TLE4: variants seen among roughly 807,000 people sequenced by gnomAD.
TLE4 encodes the protein transducin-like enhancer protein 4.
Under a neutral mutation model 92.8 loss-of-function variants are expected in TLE4, and 8 were observed. That is an observed-to-expected ratio of 0.09 (90% CI 0.05 to 0.16). The LOEUF (loss-of-function observed/expected upper bound fraction) is 0.16. TLE4 is among the 10% of genes least tolerant of loss of function. The probability of loss-of-function intolerance (pLI) is 1.00; values close to 1 mark genes in which losing one functional copy is unlikely to be tolerated. For synonymous variants in TLE4, 371 were observed against 374.1 expected (o/e 0.99, Z 0.10); for missense variants, 675 against 997.6 (o/e 0.68, Z 4.36).
In TLE4 at chr9:79,572,693, G is replaced by A; in HGVS notation, c.-98G>A. The A allele has an allele frequency of 6.7e-6, 9 of 1,335,342 alleles. No individual in the cohort carries two copies. The highest frequency in any genetic ancestry group is 9.4e-6 in the Non-Finnish European group (9 of 959,470). 82.7% of individuals were successfully genotyped at this position (1,335,342 alleles called of 1,614,324 possible). A position where few individuals can be genotyped will look rare whatever the true frequency, so the allele number is the denominator to read the frequency against. On this transcript the variant is annotated 5_prime_UTR_variant, in exon 1 of 20. Coordinates refer to ENST00000376552, the MANE Select transcript of TLE4 (RefSeq NM_007005.6). Reference sequence around the variant, plus strand: ...CCGCCCGAGCCGCCCCTCAGACCGAGCCGGCCGCCTCCGCTGCCGCGGCCG... The same window carrying A: ...CCGCCCGAGCCGCCCCTCAGACCGAACCGGCCGCCTCCGCTGCCGCGGCCG...
intron 19 of TLE4, among the ~76,000 whole-genome samples, chr9:79,724,169 C>CTT (rs60841110): frequency 7.1e-6 from 1 of 141,646 alleles, no homozygotes; most frequent in Non-Finnish European, 1.6e-5. Context: ...TTTTTACATT[C>CTT]TTTTTTTTTT....
At position 79,574,860 on chromosome 9, in the gene TLE4, A is replaced by G. The variant is rs199667147; in HGVS notation, c.144-13A>G. 3.1e-6 allele frequency: 5 copies of G among 1,610,596 alleles called. No individual in the cohort carries two copies. The African/African-American group carries it at 6.7e-5, about 21-fold the overall frequency. ...AAGATCATTGTACTTAGAGTATCTT[A>G]TGTCTTGAACAGTCTGAAGCTGGAA... On this transcript the variant is annotated splice_polypyrimidine_tract_variant and intron_variant, in intron 2 of 19. Coordinates refer to ENST00000376552, the MANE Select transcript of TLE4 (RefSeq NM_007005.6).
rs2040514159 is a variant in TLE4, at chr9:79,584,321, C to T, written c.252+8144C>T. Among the ~76,000 whole-genome samples, 3 of 152,210 alleles carry T rather than the reference C, an allele frequency of 2.0e-5. No homozygotes were observed. In the South Asian group the frequency reaches 6.2e-4, roughly 32 times the overall value. ...TGTTTGAGGACAGCTCCTCCCTCCC[C>T]TCCCTTCTACCCTCTCATTGCCTCT... On this transcript the variant is annotated intron_variant, in intron 4 of 19. Transcript: ENST00000376552.
intron 5 of TLE4, among the ~76,000 whole-genome samples, chr9:79,623,807 C>T (rs911612448): frequency 2.6e-5 from 4 of 151,496 alleles, no homozygotes; most frequent in African/African-American, 7.3e-5. Context: ...GTTAGAGGTC[C>T]CCTCTCTTAC....
At chr9:79,603,821 G>C (rs553318888) in intron 4 of TLE4, among the ~76,000 whole-genome samples, 1 of 152,110 alleles carries the variant, frequency 6.6e-6, no homozygotes, top group Non-Finnish European at 1.5e-5. Context: ...TGACATACCA[G>C]CCACTGGGGC....
At chr9:79,573,228 C>T (rs2036408593) in intron 1 of TLE4, 4 of 1,012,890 alleles carry the variant, frequency 3.9e-6, no homozygotes, top group South Asian at 8.7e-5. Context: ...GTGCGGGGCG[C>T]CGGCCCCTCG....
rs1248991277 is a variant in TLE4 at position 79,644,081 on chromosome 9, C to CA, written c.391-8510dup. Among the ~76,000 whole-genome samples, 3 of 152,098 alleles carry CA rather than the reference C, an allele frequency of 2.0e-5. No homozygotes were observed. The East Asian group carries it at 5.8e-4, about 29-fold the overall frequency. ...ATCTCATCTTGAATTATAGTTCCTACAATCCCCATATGTGGTGGGAGGGAT... is the reference window on the plus strand; with the variant it reads ...ATCTCATCTTGAATTATAGTTCCTACAAATCCCCATATGTGGTGGGAGGGAT... On this transcript the variant is annotated intron_variant, in intron 6 of 19. Transcript: ENST00000376552.
At chr9:79,594,284 G>T (rs2043402821) in intron 4 of TLE4, among the ~76,000 whole-genome samples, 1 of 152,188 alleles carries the variant, frequency 6.6e-6, no homozygotes, top group Admixed American at 6.5e-5. Flanking sequence ...CTGGTCCACT[G>T]ACCACATTTT....
intron 8 of TLE4, among the ~76,000 whole-genome samples, chr9:79,687,946 A>G (rs1298841142): frequency 6.6e-6 from 1 of 152,178 alleles, no homozygotes; most frequent in East Asian, 1.9e-4. Context: ...GGGATTCTGC[A>G]TTTCTAACAA....
At chr9:79,719,102 C>T (rs1588623016) in intron 15 of TLE4, 131 bp downstream of exon 15, 20 of 1,325,032 alleles carry the variant, frequency 1.5e-5, no homozygotes, top group African/African-American at 3.0e-5. Context: ...CAGGGGACTG[C>T]GATCTTTCAC....
chr9:79,606,132 C>T (rs1236467529), intron 4 of TLE4, among the ~76,000 whole-genome samples: 5 of 132,406 alleles, frequency 3.8e-5, no homozygotes, highest in Non-Finnish European at 7.8e-5. Flanking sequence ...CCTACTAATT[C>T]GATTCTTATA....
At chr9:79,637,124 T>C (rs1004894574) in intron 6 of TLE4, among the ~76,000 whole-genome samples, 1 of 103,396 alleles carries the variant, frequency 9.7e-6, no homozygotes, top group African/African-American at 6.4e-5. Flanking sequence ...GGAATTTTTA[T>C]TTTAAAACTT....
chr9:79,692,237 G>T (rs1277210586), intron 8 of TLE4, among the ~76,000 whole-genome samples: 1 of 152,190 alleles, frequency 6.6e-6, no homozygotes, highest in African/African-American at 2.4e-5. Flanking sequence ...CAAGTTGGAG[G>T]AAGAGCGCGA....
intron 12 of TLE4, 29 bp downstream of exon 12, chr9:79,708,279 T>A: frequency 6.2e-7 from 1 of 1,609,168 alleles, no homozygotes; most frequent in Non-Finnish European, 8.5e-7. Flanking sequence ...TTTTCTATAT[T>A]TTTATGCTCG....
At chr9:79,702,127 A>T (rs2070102047) in intron 8 of TLE4, among the ~76,000 whole-genome samples, 1 of 152,204 alleles carries the variant, frequency 6.6e-6, no homozygotes, top group African/African-American at 2.4e-5. Flanking sequence ...ACGAAAATAC[A>T]CAGAGCCCAG....
chr9:79,620,630 CT>C (rs932805230), intron 5 of TLE4, among the ~76,000 whole-genome samples: 1 of 152,112 alleles, frequency 6.6e-6, no homozygotes, highest in African/African-American at 2.4e-5. Flanking sequence ...CAAATTAAAC[CT>C]GTGTTTGTGT....
At chr9:79,696,932 T>C (rs1371858414) in intron 8 of TLE4, among the ~76,000 whole-genome samples, 1 of 152,160 alleles carries the variant, frequency 6.6e-6, no homozygotes, top group Non-Finnish European at 1.5e-5. Context: ...TCTCCACTTT[T>C]GTTTTTAGGG....
rs1351285273 is a variant in TLE4 at position 79,695,246 on chromosome 9, G to T, written c.610-9537G>T. ...CAGTGAAAAGGCACCAGCTTTAACT[G>T]TCTTTTCAACATAGTTCTGAAAATT... On this transcript the variant is annotated intron_variant, in intron 8 of 19. Coordinates refer to ENST00000376552, the MANE Select transcript of TLE4 (RefSeq NM_007005.6). Among the ~76,000 whole-genome samples the T allele has an allele frequency of 1.1e-4, 16 of 152,146 alleles. No individual in the cohort carries two copies. The South Asian group carries it at 2.7e-3, about 26-fold the overall frequency.
intron 4 of TLE4, chr9:79,601,612 C>T (rs1003213015): frequency 2.6e-5 from 10 of 390,464 alleles, no homozygotes; most frequent in African/African-American, 6.3e-5. Context: ...TTTAGAGTGC[C>T]GTGAACTGTG....
Sources: allele counts gnomAD v4.1 joint callset (sites outside exome capture counted in the v4.1 genomes callset), GRCh38; gene constraint gnomAD v4.1.1; transcripts MANE v1.5; gene names NCBI Gene and HGNC (gene_info 2026-07-23, HGNC 2026-07-21).